Variants in RB1 observed in about 807,000 individuals in gnomAD.
RB1 encodes the protein RB transcriptional corepressor 1.
Under a neutral mutation model 135.4 loss-of-function variants are expected in RB1, and 18 were observed. That is an observed-to-expected ratio of 0.13 (90% CI 0.09 to 0.20). The LOEUF (loss-of-function observed/expected upper bound fraction) is 0.20, where lower values mean the gene tolerates loss of function less well. Ranked by LOEUF, RB1 falls within the 10% of genes least tolerant of loss-of-function variation. The pLI, the probability that RB1 is intolerant of heterozygous loss-of-function variation, is 1.00. For synonymous variants in RB1, 365 were observed against 373.2 expected, an observed-to-expected ratio of 0.98 and a Z score of 0.25; for missense variants, 868 against 1,110.0, an observed-to-expected ratio of 0.78 and a Z score of 3.10.
chr13:48,411,526 T>A, intron 17 of RB1: 3 of 1,613,454 alleles, frequency 1.9e-6, no homozygotes, highest in Non-Finnish European at 1.7e-6. Context: ...TTTATTGAAT[T>A]CTGAATTGTG....
intron 20 of RB1, among the ~76,000 whole-genome samples, chr13:48,461,104 T>C (rs198583): frequency 0.91 from 138,120 of 152,230 alleles, 63,670 homozygotes; most frequent in East Asian, 1. Context: ...AACATCACCA[T>C]AATCAATTTT....
chr13:48,456,484 T>C, intron 19 of RB1, 135 bp downstream of exon 19: 1 of 1,314,950 alleles, frequency 7.6e-7, no homozygotes, highest in Non-Finnish European at 1.0e-6. Context: ...TCCTCATCTA[T>C]AAAATGGAAA....
At chr13:48,388,979 A>G (rs1593461366) in intron 17 of RB1, among the ~76,000 whole-genome samples, 1 of 151,742 alleles carries the variant, frequency 6.6e-6, no homozygotes, top group African/African-American at 2.4e-5. Context: ...GACCAACATG[A>G]CAAAACCCTG....
rs1949335384 is a variant in RB1, at chr13:48,452,726, CT to C, written c.1696-266del. On this transcript the variant is annotated intron_variant, in intron 17 of 26. Coordinates refer to ENST00000267163, the MANE Select transcript of RB1 (RefSeq NM_000321.3). Reference sequence around the variant, plus strand: ...TCTCTCCACTTTCTTCGTTTTTTTTCTGTCTTTCCTCCTAACTTCTAACTTA... The same window carrying C: ...TCTCTCCACTTTCTTCGTTTTTTTTCGTCTTTCCTCCTAACTTCTAACTTA... Among the ~76,000 whole-genome samples, 8 of 151,838 alleles carry C rather than the reference CT, an allele frequency of 5.3e-5. 1 individual carries two copies. In the South Asian group the frequency reaches 1.7e-3, roughly 32 times the overall value.
At chr13:48,318,650 C>T (rs766771637) in intron 2 of RB1, 307 of 609,082 alleles carry the variant, frequency 5.0e-4, no homozygotes, top group Middle Eastern at 2.3e-3. Flanking sequence ...CTTTCACCAC[C>T]TCCCGCGTTT....
At chr13:48,374,960 C>T (rs1490136333) in intron 12 of RB1, among the ~76,000 whole-genome samples, 2 of 152,010 alleles carry the variant, frequency 1.3e-5, no homozygotes, top group Admixed American at 1.3e-4. Context: ...TGAGAACATG[C>T]AGTATTTGGT....
At chr13:48,326,929 A>G (rs571496553) in intron 2 of RB1, among the ~76,000 whole-genome samples, 3 of 152,232 alleles carry the variant, frequency 2.0e-5, no homozygotes, top group Non-Finnish European at 2.9e-5. Context: ...CAAATTCACA[A>G]AGTATGTGTG....
At chr13:48,451,701 C>T (rs892776521) in intron 17 of RB1, among the ~76,000 whole-genome samples, 1 of 149,426 alleles carries the variant, frequency 6.7e-6, no homozygotes, top group Non-Finnish European at 1.5e-5. Context: ...ATTTGTACCT[C>T]TGGTAGAATT....
chr13:48,478,747 A>C (rs1949518889), intron 26 of RB1, among the ~76,000 whole-genome samples: 2 of 152,188 alleles, frequency 1.3e-5, no homozygotes, highest in African/African-American at 4.8e-5. Flanking sequence ...TTTCTTAAAG[A>C]ATTACATTTA....
intron 17 of RB1, among the ~76,000 whole-genome samples, chr13:48,421,916 G>A (rs563266332): frequency 6.6e-6 from 1 of 152,312 alleles, no homozygotes; most frequent in East Asian, 1.9e-4. Flanking sequence ...TACACTGTTG[G>A]TGGGAGTGTA....
intron 17 of RB1, among the ~76,000 whole-genome samples, chr13:48,419,683 A>G (rs1235070701): frequency 6.6e-6 from 1 of 152,218 alleles, no homozygotes; most frequent in Non-Finnish European, 1.5e-5. Context: ...AAATAGACAC[A>G]ATAAAAAAAT....
At chr13:48,375,725 C>A (rs1017711095) in intron 12 of RB1, among the ~76,000 whole-genome samples, 22 of 151,706 alleles carry the variant, frequency 1.5e-4, no homozygotes, top group African/African-American at 4.8e-4. Flanking sequence ...ATTGCAGAAG[C>A]CTGCTACCAT....
chr13:48,364,889 T>G lies in RB1; in HGVS notation c.862-5T>G. ...ATGATCATGTTGTAACTTCATCTTTTTCAGGTGAAAAATGTTTATTTCAAA... is the reference window on the plus strand; with the variant it reads ...ATGATCATGTTGTAACTTCATCTTTGTCAGGTGAAAAATGTTTATTTCAAA... On this transcript the variant is annotated splice_region_variant and splice_polypyrimidine_tract_variant and intron_variant, in intron 8 of 26. Coordinates refer to ENST00000267163, the MANE Select transcript of RB1 (RefSeq NM_000321.3). 6.4e-7 allele frequency: 1 copy of G among 1,551,398 alleles called. No homozygotes were observed. The highest frequency in any genetic ancestry group is 8.7e-7 in the Non-Finnish European group (1 of 1,145,326).
intron 23 of RB1, among the ~76,000 whole-genome samples, 170 bp from the exon 24 acceptor site, chr13:48,473,190 G>A (rs1949482885): frequency 1.3e-5 from 2 of 152,034 alleles, no homozygotes; most frequent in South Asian, 4.2e-4. Flanking sequence ...ATGATTAGAC[G>A]GGCACTGTTA....
rs149359120 is a variant in RB1 at position 48,476,746 on chromosome 13, G to A, written c.2566G>A (p.Asp856Asn). ...QKINQMVCNS[D>N]RVLKRSAEGS... is the part of the protein sequence containing the mutation. ...AATAAATCAGATGGTATGTAACAGCGACCGTGTGCTCAAAAGAAGTGCTGA... is the reference window on the plus strand; with the variant it reads ...AATAAATCAGATGGTATGTAACAGCAACCGTGTGCTCAAAAGAAGTGCTGA... Residue 856 changes from aspartate (D) to asparagine (N), a missense_variant, in exon 25 of 27, where the codon GAC becomes AAC. Around this residue, in one of 3 missense-constraint regions of RB1, gnomAD observed 196 missense variants for 239.8 expected, o/e 0.82. Coordinates refer to ENST00000267163, the MANE Select transcript of RB1 (RefSeq NM_000321.3). 224 of 1,613,402 alleles carry A rather than the reference G, an allele frequency of 1.4e-4. No homozygotes were observed. In the African/African-American group the frequency reaches 2.2e-3, roughly 16 times the overall value.
chr13:48,411,314 G>C lies in RB1; in HGVS notation c.1695+29871G>C, dbSNP rs1219709248. The C allele has an allele frequency of 2.5e-6, 3 of 1,211,410 alleles. No individual in the cohort carries two copies. In the African/African-American group the frequency reaches 4.5e-5, roughly 18 times the overall value. The allele number at this position is 1,211,410 out of a possible 1,614,324, so 75.0% of individuals were successfully genotyped here. ...AATTTCTTTTGGAGGTGGAAAAATA[G>C]TTTGTCCAAAAAGACACTTTTCACA... On this transcript the variant is annotated intron_variant, in intron 17 of 26. Transcript: ENST00000267163.
chr13:48,431,859 T>C (rs1320969278), intron 17 of RB1, among the ~76,000 whole-genome samples: 2 of 152,254 alleles, frequency 1.3e-5, no homozygotes, highest in Non-Finnish European at 2.9e-5. Flanking sequence ...TTCCTGCTTA[T>C]GTTGTCTTCA....
intron 16 of RB1, among the ~76,000 whole-genome samples, chr13:48,380,982 C>T (rs1251518198): frequency 1.3e-5 from 2 of 152,062 alleles, no homozygotes; most frequent in African/African-American, 4.8e-5. Context: ...TAAACCTGTT[C>T]CTGATATAAG....
chr13:48,329,544 G>A (rs1952315567), intron 2 of RB1, among the ~76,000 whole-genome samples: 1 of 151,966 alleles, frequency 6.6e-6, no homozygotes, highest in African/African-American at 2.4e-5. Context: ...TTAAAGTATT[G>A]GAAAACTCGC....
Sources: gnomAD v4.1 joint callset for allele counts (sites outside exome capture counted in the v4.1 genomes callset) on GRCh38, gnomAD v4.1.1 for gene constraint, gnomAD v4.1.1 regional missense constraint, MANE v1.5 for transcripts, NCBI Gene and HGNC (gene_info 2026-07-23, HGNC 2026-07-21) for gene names.